EBPL: variants seen among roughly 807,000 people sequenced by gnomAD.
The protein encoded by EBPL is EBP like.
EBPL carries 20 observed loss-of-function variants against 19.0 expected under a neutral mutation model. That is an observed-to-expected ratio of 1.05 (90% confidence interval 0.74 to 1.53). The LOEUF (loss-of-function observed/expected upper bound fraction) is 1.53, where lower values mean the gene tolerates loss of function less well. EBPL is among the 40% of genes most tolerant of loss of function. EBPL has a pLI of 0.00. For missense variants in EBPL, 219 were observed against 261.1 expected, an observed-to-expected ratio of 0.84 and a Z score of 1.11; for synonymous variants, 107 against 117.0, an observed-to-expected ratio of 0.91 and a Z score of 0.55.
chr13:49,690,469 A>T (rs1311191620), intron 1 of EBPL, among the ~76,000 whole-genome samples: 2 of 146,050 alleles, frequency 1.4e-5, no homozygotes, highest in Admixed American at 1.4e-4. Flanking sequence ...AAAAAAACTT[A>T]AAAGTGTGTG....
chr13:49,688,161 C>T (rs903579164), intron 1 of EBPL, among the ~76,000 whole-genome samples: 15 of 152,168 alleles, frequency 9.9e-5, no homozygotes, highest in African/African-American at 2.9e-4. Context: ...CCCACAGCGA[C>T]CTCAGAATGG....
At chr13:49,664,518 A>G (rs1282710125) in intron 2 of EBPL, among the ~76,000 whole-genome samples, 2 of 152,200 alleles carry the variant, frequency 1.3e-5, no homozygotes, top group African/African-American at 2.4e-5. Context: ...AAGTCTTTTC[A>G]GGGCTGGAAT....
At chr13:49,663,664 A>G (rs562992760) in intron 2 of EBPL, among the ~76,000 whole-genome samples, 42 of 152,346 alleles carry the variant, frequency 2.8e-4, no homozygotes, top group African/African-American at 7.5e-4. Flanking sequence ...ATGGCCAGGC[A>G]CGGTGGCTCA....
rs140171607 is a variant in EBPL, at chr13:49,676,363, G to C, written c.172-6517C>G. Among the ~76,000 whole-genome samples, 927 of 152,186 alleles carry C rather than the reference G, an allele frequency of 6.1e-3. 6 individuals carry two copies. The highest frequency in any genetic ancestry group is 9.9e-3 in the Non-Finnish European group (672 of 68,012). ...TCCCAGCACTTTGGGAGGCTGAGGC[G>C]GACGGACCACAAGGTCAGGAGATCG... On this transcript the variant is annotated intron_variant, in intron 1 of 3. Transcript: ENST00000242827.
At chr13:49,678,239 C>T (rs1953899164) in intron 1 of EBPL, among the ~76,000 whole-genome samples, 1 of 152,228 alleles carries the variant, frequency 6.6e-6, no homozygotes, top group East Asian at 1.9e-4. Flanking sequence ...TTCTCCAAGT[C>T]CCCACTGGAC....
chr13:49,661,446 G>A (rs958695139), intron 3 of EBPL, among the ~76,000 whole-genome samples: 12 of 152,148 alleles, frequency 7.9e-5, no homozygotes, highest in Non-Finnish European at 1.2e-4. Flanking sequence ...TCAGAGTTAA[G>A]TAAGGACCCT....
intron 3 of EBPL, chr13:49,661,779 ATC>A (rs1566311132): frequency 6.6e-7 from 1 of 1,509,224 alleles, no homozygotes; most frequent in African/African-American, 1.4e-5. Context: ...ATTGCCAACT[ATC>A]TCTCTAAAAT....
intron 2 of EBPL, 95 bp from the exon 3 acceptor site, chr13:49,663,290 G>A (rs2137481762): frequency 6.8e-7 from 1 of 1,462,982 alleles, no homozygotes; most frequent in Non-Finnish European, 9.4e-7. Context: ...GAGATAAAAT[G>A]AGTAATCGCC....
intron 1 of EBPL, among the ~76,000 whole-genome samples, chr13:49,678,383 G>A (rs1309907751): frequency 1.3e-5 from 2 of 152,340 alleles, no homozygotes; most frequent in East Asian, 3.9e-4. Flanking sequence ...GCGGAGCAGG[G>A]GGCAGTGCCC....
intron 2 of EBPL, among the ~76,000 whole-genome samples, chr13:49,666,605 G>A (rs141289281): frequency 0.019 from 2,901 of 151,372 alleles, 99 homozygotes; most frequent in African/African-American, 0.065. Flanking sequence ...CCAGCTACTC[G>A]GGAGGCTGAG....
In EBPL at chr13:49,691,256, G is replaced by C. The variant is rs1292954373; in HGVS notation, c.169C>G (p.Leu57Val). ...LCYDALVHFA[L>V]EGPFVYLSLV... ...AGGGTCTAGGCGATGGCACTTACCAGCGCGAAGTGCACCAGCGCGTCGTAG... is the reference window on the plus strand; with the variant it reads ...AGGGTCTAGGCGATGGCACTTACCACCGCGAAGTGCACCAGCGCGTCGTAG... Residue 57 changes from leucine (L) to valine (V), a missense_variant and splice_region_variant, in exon 1 of 4, where the codon CTG (leucine) becomes GTG (valine). Around this residue, in one of 2 missense-constraint regions of EBPL, gnomAD observed 170 missense variants for 167.0 expected, o/e 1.02. Coordinates refer to ENST00000242827, the MANE Select transcript of EBPL (RefSeq NM_032565.5). 8 of 1,387,266 alleles carry C rather than the reference G, an allele frequency of 5.8e-6. No homozygotes were observed. Among genetic ancestry groups the C allele is most frequent in the Non-Finnish European group, 6.6e-6 (7 of 1,068,602 alleles). 85.9% of individuals were successfully genotyped at this position (1,387,266 alleles called of 1,614,324 possible).
chr13:49,691,203 C>A, intron 1 of EBPL, 51 bp downstream of exon 1: 1 of 1,278,782 alleles, frequency 7.8e-7, no homozygotes, highest in Non-Finnish European at 9.9e-7. Context: ...TTGCCGCCCC[C>A]GCTCCCACTC....
chr13:49,668,443 G>A (rs186599077), intron 2 of EBPL: 293 of 229,864 alleles, frequency 1.3e-3, no homozygotes, highest in African/African-American at 5.7e-3. Flanking sequence ...GCGTGGTGGC[G>A]GGCGCCTGTA....
intron 1 of EBPL, among the ~76,000 whole-genome samples, chr13:49,684,477 C>T (rs990964026): frequency 2.0e-5 from 3 of 152,156 alleles, no homozygotes; most frequent in Admixed American, 1.3e-4. Flanking sequence ...TTGAGACCAG[C>T]CTGGGCAACA....
chr13:49,686,489 CT>C (rs762887235), intron 1 of EBPL: 171 of 1,248,854 alleles, frequency 1.4e-4, no homozygotes, highest in Admixed American at 4.9e-4. Context: ...TATTTTCTTT[CT>C]TTTTTTTTAA....
At chr13:49,676,362 C>T (rs527383554) in intron 1 of EBPL, among the ~76,000 whole-genome samples, 1 of 152,076 alleles carries the variant, frequency 6.6e-6, no homozygotes, top group Non-Finnish European at 1.5e-5. Flanking sequence ...GAGGCTGAGG[C>T]GGACGGACCA....
At chr13:49,661,931 A>C (rs45475391) in intron 3 of EBPL, 4 of 1,548,722 alleles carry the variant, frequency 2.6e-6, no homozygotes, top group Non-Finnish European at 3.5e-6. Context: ...TCTGTCCCTA[A>C]GGAAAGAAAA....
Position 49,678,030 on chromosome 13 carries a change from C to T in EBPL, c.172-8184G>A, listed in dbSNP as rs376123871. On this transcript the variant is annotated intron_variant, in intron 1 of 3. Coordinates refer to ENST00000242827, the MANE Select transcript of EBPL (RefSeq NM_032565.5). ...AGACTCCACAGCGTGGAAGGGGACC[C>T]AAGCCGGTTGCCGGGGCTGGCTTGG... Among the ~76,000 whole-genome samples, 138 of 149,008 alleles carry T rather than the reference C, an allele frequency of 9.3e-4. 3 individuals carry two copies. In the South Asian group the frequency reaches 9.5e-3, roughly 10 times the overall value.
At chr13:49,664,622 T>C (rs2137483638) in intron 2 of EBPL, among the ~76,000 whole-genome samples, 1 of 152,222 alleles carries the variant, frequency 6.6e-6, no homozygotes, top group East Asian at 1.9e-4. Context: ...CTCAAATGAT[T>C]ACAGTGAAAA....
Sources: allele counts gnomAD v4.1 joint callset (sites outside exome capture counted in the v4.1 genomes callset), GRCh38; gene constraint gnomAD v4.1.1; regional missense constraint gnomAD v4.1.1; transcripts MANE v1.5; gene names NCBI Gene and HGNC (gene_info 2026-07-23, HGNC 2026-07-21).